The following XIRP2 variants were observed in gnomAD, a reference collection of about 807,000 sequenced individuals.
The protein encoded by XIRP2 is xin actin-binding repeat-containing protein 2.
In XIRP2, 236 loss-of-function variants were observed where a neutral mutation model predicts 277.0. That is an observed-to-expected ratio of 0.85 (90% confidence interval 0.77 to 0.95). The LOEUF is 0.95. Ranked by LOEUF, XIRP2 falls within the 40% of genes least tolerant of loss-of-function variation. The pLI is 0.00. For missense variants in XIRP2, 4,640 were observed against 4,157.5 expected (o/e 1.12, Z -3.19); for synonymous variants, 1,490 against 1,416.5 (o/e 1.05, Z -1.17).
chr2:166,945,154 G>A (rs767173245), intron 2 of XIRP2, among the ~76,000 whole-genome samples: 14 of 152,176 alleles, frequency 9.2e-5, no homozygotes, highest in East Asian at 5.8e-4. Context: ...AGGGTCATCC[G>A]CCCACTTCCA....
rs576645594 is a variant in XIRP2 at position 167,219,068 on chromosome 2, G to A, written c.858+768G>A. Among the ~76,000 whole-genome samples the A allele has an allele frequency of 2.5e-3, 378 of 151,852 alleles. 1 individual carries two copies. Among genetic ancestry groups the A allele is most frequent in the Middle Eastern group, 0.01 (3 of 294 alleles). ...GTGGATGTATTTTTTTTTAATCCCC[G>A]GGACATATAGAGTTGCCTAAATTTT... On this transcript the variant is annotated intron_variant, in intron 5 of 10. Transcript: ENST00000409195.
At chr2:167,108,857 C>T (rs1481424304) in intron 2 of XIRP2, among the ~76,000 whole-genome samples, 1 of 150,480 alleles carries the variant, frequency 6.6e-6, no homozygotes, top group African/African-American at 2.4e-5. Context: ...TTGAATAAGT[C>T]TTAGGTCCTT....
intron 2 of XIRP2, among the ~76,000 whole-genome samples, chr2:167,087,201 C>A (rs1358243712): frequency 3.3e-5 from 5 of 152,046 alleles, no homozygotes; most frequent in South Asian, 2.1e-4. Context: ...AATACCCTGC[C>A]GTGTGAGGTG....
intron 2 of XIRP2, among the ~76,000 whole-genome samples, chr2:166,914,598 T>C (rs1684812476): frequency 6.6e-6 from 1 of 152,132 alleles, no homozygotes; most frequent in African/African-American, 2.4e-5. Context: ...TGCCTCAGCC[T>C]CCCAAAGTTC....
At chr2:167,203,342 C>G (rs756668589) in intron 3 of XIRP2, among the ~76,000 whole-genome samples, 2 of 152,156 alleles carry the variant, frequency 1.3e-5, no homozygotes, top group Non-Finnish European at 2.9e-5. Flanking sequence ...AAAGCAGGAA[C>G]GAATCCTTTT....
At chr2:167,150,479 G>GAA (rs59294401) in intron 3 of XIRP2, among the ~76,000 whole-genome samples, 4 of 151,614 alleles carry the variant, frequency 2.6e-5, no homozygotes, top group East Asian at 1.9e-4. Context: ...GGTTTTATTA[G>GAA]AAAAAAATGG....
At chr2:167,242,013 A>G (rs1695087111) in intron 8 of XIRP2, 103 bp downstream of exon 8, 1 of 1,397,116 alleles carries the variant, frequency 7.2e-7, no homozygotes, top group Non-Finnish European at 9.4e-7. Context: ...TTCAACAAAA[A>G]AAAATTCTGA....
chr2:167,047,192 T>C (rs1231434186), intron 2 of XIRP2, among the ~76,000 whole-genome samples: 1 of 151,818 alleles, frequency 6.6e-6, no homozygotes, highest in Non-Finnish European at 1.5e-5. Context: ...AATCAACAAA[T>C]AAAGTAATAC....
intron 2 of XIRP2, among the ~76,000 whole-genome samples, chr2:166,937,344 A>G (rs759759115): frequency 1.4e-4 from 21 of 152,186 alleles, no homozygotes; most frequent in Non-Finnish European, 2.6e-4. Context: ...TATTGAGATA[A>G]TCATGTGGTT....
At chr2:167,159,979 G>A (rs73019959) in intron 3 of XIRP2, among the ~76,000 whole-genome samples, 15,050 of 152,132 alleles carry the variant, frequency 0.099, 798 homozygotes, top group South Asian at 0.15. Context: ...CAATGCTAGA[G>A]AACAGTAGAA....
At chr2:166,900,862 G>A (rs1052157272) in intron 1 of XIRP2, among the ~76,000 whole-genome samples, 1 of 152,044 alleles carries the variant, frequency 6.6e-6, no homozygotes, top group African/African-American at 2.4e-5. Flanking sequence ...TCTTGATACC[G>A]CTAGGTGGGG....
At chr2:167,122,869 T>G (rs1691094797) in intron 2 of XIRP2, among the ~76,000 whole-genome samples, 1 of 152,194 alleles carries the variant, frequency 6.6e-6, no homozygotes, top group Non-Finnish European at 1.5e-5. Context: ...CCATTCCTAG[T>G]TTGCATTTAC....
intron 2 of XIRP2, among the ~76,000 whole-genome samples, chr2:167,029,939 G>A (rs575035736): frequency 6.6e-6 from 1 of 152,070 alleles, no homozygotes; most frequent in East Asian, 1.9e-4. Flanking sequence ...TCCTAGTCTT[G>A]GGAGTGTGTA....
chr2:167,114,808 G>T (rs1690852508), intron 2 of XIRP2, among the ~76,000 whole-genome samples: 2 of 152,136 alleles, frequency 1.3e-5, no homozygotes, highest in Admixed American at 1.3e-4. Flanking sequence ...ATATTCCATG[G>T]TGTATATGTG....
In XIRP2 at chr2:166,907,470, C is replaced by G. The variant is rs149150617; in HGVS notation, c.408+3580C>G. 4.2e-3 allele frequency among the ~76,000 whole-genome samples: 634 copies of G among 152,232 alleles called. 4 individuals carry two copies. The highest frequency in any genetic ancestry group is 0.014 in the African/African-American group (585 of 41,556). ...AGCTTGGCAGTTCATCTGATCTTGT[C>G]TGATGTCACTCATGTGTCTATGGTC... On this transcript the variant is annotated intron_variant, in intron 2 of 10. Transcript: ENST00000409195.
At chr2:167,001,392 T>C (rs1484936526) in intron 2 of XIRP2, among the ~76,000 whole-genome samples, 1 of 152,156 alleles carries the variant, frequency 6.6e-6, no homozygotes, top group Non-Finnish European at 1.5e-5. Flanking sequence ...AGGGATCATA[T>C]TGAATAAGCA....
At chr2:167,108,421 A>G (rs1025824139) in intron 2 of XIRP2, among the ~76,000 whole-genome samples, 2 of 152,054 alleles carry the variant, frequency 1.3e-5, no homozygotes, top group African/African-American at 4.8e-5. Flanking sequence ...AAATAGGACC[A>G]TAAGTTATTG....
At chr2:167,080,907 A>G (rs746669186) in intron 2 of XIRP2, among the ~76,000 whole-genome samples, 2 of 152,132 alleles carry the variant, frequency 1.3e-5, no homozygotes, top group Non-Finnish European at 2.9e-5. Flanking sequence ...AAAATATTAG[A>G]TGTAAAAATT....
chr2:167,144,541 ATTGTT>A (rs1056304796), intron 3 of XIRP2, among the ~76,000 whole-genome samples: 30 of 152,204 alleles, frequency 2.0e-4, no homozygotes, highest in Non-Finnish European at 3.4e-4. Context: ...CACTCTGTTA[ATTGTT>A]TTGTTTAATA....
Sources: allele counts gnomAD v4.1 joint callset (sites outside exome capture counted in the v4.1 genomes callset), GRCh38; gene constraint gnomAD v4.1.1; transcripts MANE v1.5; gene names NCBI Gene and HGNC (gene_info 2026-07-23, HGNC 2026-07-21).